The following NRXN3 variants were observed in gnomAD, a reference collection of about 807,000 sequenced individuals.
NRXN3 encodes the protein neurexin III.
A neutral mutation model predicts 137.6 loss-of-function variants in NRXN3; 32 were observed. The observed-to-expected ratio is 0.23, with a 90% CI of 0.18 to 0.31. NRXN3 has a LOEUF of 0.31. Ranked by LOEUF, NRXN3 falls within the 10% of genes least tolerant of loss-of-function variation. The pLI, the probability that NRXN3 is intolerant of heterozygous loss-of-function variation, is 1.00. For synonymous variants in NRXN3, 798 were observed against 784.5 expected (o/e 1.02, Z -0.29); for missense variants, 1,574 against 2,062.5 (o/e 0.76, Z 4.59).
chr14:78,477,432 G>A (rs1008030683), intron 4 of NRXN3, among the ~76,000 whole-genome samples: 2 of 152,200 alleles, frequency 1.3e-5, no homozygotes, highest in African/African-American at 4.8e-5. Context: ...ATATTTGAGT[G>A]TATTGTATAT....
Position 79,738,342 on chromosome 14 carries a change from CACACACACACACAG to C in NRXN3, c.4014+40407_4014+40420del, listed in dbSNP as rs1204461088. 1.4e-3 allele frequency among the ~76,000 whole-genome samples: 207 copies of C among 150,422 alleles called. 1 individual carries two copies. Among genetic ancestry groups the C allele is most frequent in the African/African-American group, 4.3e-3 (175 of 40,506 alleles). On this transcript the variant is annotated intron_variant, in intron 19 of 20. Coordinates refer to ENST00000335750, the MANE Select transcript of NRXN3 (RefSeq NM_001330195.2). The stretch of plus-strand genomic sequence containing the variant: ...ACACACACACACACACACACACACA[CACACACACACACAG>C]AGGAGAAGGTGATGGAGGCAGATAC...
chr14:78,907,641 A>G (rs936891751), intron 10 of NRXN3, among the ~76,000 whole-genome samples: 1 of 152,002 alleles, frequency 6.6e-6, no homozygotes, highest in Non-Finnish European at 1.5e-5. Flanking sequence ...TAAGAAGAAC[A>G]TATTTTTTAA....
At position 78,302,274 on chromosome 14, in the gene NRXN3, G is replaced by A. The variant is rs1381281841; in HGVS notation, c.757+4414G>A. On this transcript the variant is annotated intron_variant, in intron 4 of 20. Transcript: ENST00000335750. ...ACGTGAGTATCTTATTTTCTTTCTC[G>A]GAGTCACTGCTACTACCACTACTAG... 4.6e-5 allele frequency among the ~76,000 whole-genome samples: 7 copies of A among 151,992 alleles called. No homozygotes were observed. The South Asian group carries it at 6.3e-4, about 14-fold the overall frequency.
chr14:78,713,987 A>C (rs2098420691), intron 7 of NRXN3, among the ~76,000 whole-genome samples: 1 of 152,236 alleles, frequency 6.6e-6, no homozygotes, highest in Non-Finnish European at 1.5e-5. Context: ...ACATCTGCTC[A>C]ATGAGAGGAG....
chr14:78,843,456 AC>A (rs146314071), intron 10 of NRXN3, among the ~76,000 whole-genome samples: 3,443 of 152,284 alleles, frequency 0.023, 53 homozygotes, highest in African/African-American at 0.039. Context: ...TTTATTCAAC[AC>A]ATATTTATTG....
chr14:79,130,611 A>T (rs1362311070), intron 15 of NRXN3, among the ~76,000 whole-genome samples: 10 of 151,706 alleles, frequency 6.6e-5, no homozygotes, highest in Middle Eastern at 3.4e-3. Flanking sequence ...TGCCCTTAAC[A>T]TTTTTTCCAT....
chr14:78,662,269 G>A (rs1567002411), intron 6 of NRXN3, among the ~76,000 whole-genome samples: 1 of 151,794 alleles, frequency 6.6e-6, no homozygotes, highest in Non-Finnish European at 1.5e-5. Flanking sequence ...AGGCATTCAA[G>A]ATCCTAACAA....
intron 10 of NRXN3, among the ~76,000 whole-genome samples, chr14:78,910,936 T>G (rs917971208): frequency 6.6e-6 from 1 of 152,262 alleles, no homozygotes; most frequent in African/African-American, 2.4e-5. Flanking sequence ...ATCAATGCAA[T>G]GGATATTTGA....
At chr14:79,556,430 A>C (rs1463720731) in intron 16 of NRXN3, among the ~76,000 whole-genome samples, 1 of 152,210 alleles carries the variant, frequency 6.6e-6, no homozygotes, top group Non-Finnish European at 1.5e-5. Context: ...GAAACATGGC[A>C]AATGGATATA....
At chr14:79,359,192 C>T (rs1487034337) in intron 15 of NRXN3, among the ~76,000 whole-genome samples, 2 of 152,126 alleles carry the variant, frequency 1.3e-5, no homozygotes, top group African/African-American at 4.8e-5. Flanking sequence ...TCTTTCAATG[C>T]GTATCTGTTC....
At chr14:78,909,778 T>C (rs1021628366) in intron 10 of NRXN3, among the ~76,000 whole-genome samples, 1 of 152,180 alleles carries the variant, frequency 6.6e-6, no homozygotes, top group African/African-American at 2.4e-5. Context: ...ATGGAACTTA[T>C]GTTGAGAACA....
At chr14:78,272,140 C>T (rs1389467855) in intron 2 of NRXN3, among the ~76,000 whole-genome samples, 2 of 152,018 alleles carry the variant, frequency 1.3e-5, no homozygotes, top group Non-Finnish European at 2.9e-5. Flanking sequence ...AGTGGAAGGC[C>T]TGCCCTGCTA....
chr14:79,559,873 G>C (rs372671193), intron 16 of NRXN3, among the ~76,000 whole-genome samples: 1 of 152,142 alleles, frequency 6.6e-6, no homozygotes, highest in Non-Finnish European at 1.5e-5. Context: ...CTTGGAAAAA[G>C]TGTACATGCT....
At chr14:78,743,081 G>A (rs1312113263) in intron 8 of NRXN3, among the ~76,000 whole-genome samples, 1 of 152,138 alleles carries the variant, frequency 6.6e-6, no homozygotes, top group African/African-American at 2.4e-5. Context: ...GTGGTTTTAA[G>A]ATGAGCTTGG....
intron 16 of NRXN3, among the ~76,000 whole-genome samples, chr14:79,565,054 T>C (rs2097533933): frequency 2.6e-5 from 4 of 152,056 alleles, no homozygotes; most frequent in South Asian, 2.1e-4. Context: ...ATGGAACTGG[T>C]AATTTCATTT....
intron 15 of NRXN3, among the ~76,000 whole-genome samples, chr14:79,056,010 T>C (rs2099660871): frequency 6.6e-6 from 1 of 152,202 alleles, no homozygotes; most frequent in Non-Finnish European, 1.5e-5. Flanking sequence ...CCGAATTATA[T>C]GATTTCTTTT....
chr14:78,993,778 G>C (rs1203125015), intron 15 of NRXN3, among the ~76,000 whole-genome samples: 1 of 148,722 alleles, frequency 6.7e-6, no homozygotes, highest in Non-Finnish European at 1.5e-5. Context: ...CCAGGGTTGA[G>C]ACTCTATGAA....
At chr14:78,426,770 C>T (rs868559221) in intron 4 of NRXN3, among the ~76,000 whole-genome samples, 1 of 152,132 alleles carries the variant, frequency 6.6e-6, no homozygotes, top group African/African-American at 2.4e-5. Flanking sequence ...TCAGAAAATT[C>T]TTCCTGGGTT....
intron 6 of NRXN3, among the ~76,000 whole-genome samples, chr14:78,671,793 A>G (rs1227237250): frequency 2.0e-5 from 3 of 152,244 alleles, no homozygotes; most frequent in African/African-American, 7.2e-5. Flanking sequence ...GAAAAGTCAC[A>G]GTTGAAAACT....
Sources: gnomAD v4.1 joint callset for allele counts (sites outside exome capture counted in the v4.1 genomes callset) on GRCh38, gnomAD v4.1.1 for gene constraint, MANE v1.5 for transcripts, NCBI Gene and HGNC (gene_info 2026-07-23, HGNC 2026-07-21) for gene names.